The following STS variants were observed in gnomAD, a reference collection of about 807,000 sequenced individuals.
STS encodes the protein steryl-sulfatase.
STS carries 7 observed loss-of-function variants against 26.8 expected under a neutral mutation model. The ratio of observed to expected loss-of-function variants is 0.26; its 90% CI spans 0.15 to 0.49. The LOEUF (loss-of-function observed/expected upper bound fraction) is 0.49. Among genes scored for constraint, STS ranks in the 20% least tolerant of loss-of-function variants. The pLI is 0.98. For missense variants in STS, 434 were observed against 465.6 expected (o/e 0.93, Z 0.63); for synonymous variants, 199 against 189.4 (o/e 1.05, Z -0.42).
At chrX:7,199,636 G>C (rs753604290) in intron 2 of STS, among the ~76,000 whole-genome samples, 3 of 111,408 alleles carry the variant, frequency 2.7e-5, no homozygotes, top group African/African-American at 9.8e-5. Context: ...CCTGATGAAT[G>C]GAGAGCCAGT....
intron 1 of STS, among the ~76,000 whole-genome samples, chrX:7,173,654 C>T (rs758695768): frequency 8.9e-6 from 1 of 112,257 alleles, no homozygotes; most frequent in Admixed American, 9.5e-5. Context: ...GAGGTGATAT[C>T]TCATTGTGGT....
intron 8 of STS, among the ~76,000 whole-genome samples, chrX:7,308,549 G>A (rs997986886): frequency 4.5e-5 from 5 of 111,326 alleles, no homozygotes; most frequent in Admixed American, 9.6e-5. Context: ...TTGAATAATG[G>A]TTGGGAACCC....
At chrX:7,148,694 A>G (rs1254927469) in intron 1 of STS, among the ~76,000 whole-genome samples, 1 of 111,921 alleles carries the variant, frequency 8.9e-6, no homozygotes, top group African/African-American at 3.3e-5. Flanking sequence ...GCGGTCCTGG[A>G]CCGCGACTTG....
chrX:7,199,084 A>G (rs1934022625), intron 2 of STS, among the ~76,000 whole-genome samples: 1 of 111,948 alleles, frequency 8.9e-6, no homozygotes, highest in Non-Finnish European at 1.9e-5. Context: ...ATTTTTCTAT[A>G]TAAAATTCAT....
intron 2 of STS, chrX:7,252,381 G>A: frequency 3.3e-6 from 2 of 608,055 alleles, no homozygotes; most frequent in Non-Finnish European, 4.0e-6. Flanking sequence ...ACACCTACCT[G>A]CTACCTTCCG....
intron 7 of STS, among the ~76,000 whole-genome samples, chrX:7,289,936 G>GAA (rs1925331422): frequency 2.7e-5 from 3 of 111,687 alleles, no homozygotes; most frequent in African/African-American, 6.5e-5. Flanking sequence ...ATTACAGACA[G>GAA]AATATGTTTC....
intron 1 of STS, among the ~76,000 whole-genome samples, chrX:7,182,087 C>A (rs183671197): frequency 9.0e-6 from 1 of 111,300 alleles, no homozygotes; most frequent in African/African-American, 3.3e-5. Context: ...AACAAAAAAA[C>A]AAAAAAACCT....
chrX:7,279,560 T>A (rs973130440), intron 7 of STS, among the ~76,000 whole-genome samples: 18 of 108,174 alleles, frequency 1.7e-4, no homozygotes, highest in African/African-American at 5.7e-4. Flanking sequence ...AGAGATTATC[T>A]TGTAATTTAA....
In STS at chrX:7,326,346, G is replaced by C. The variant is rs757491444; in HGVS notation, c.1241+848G>C. Among the ~76,000 whole-genome samples the C allele has an allele frequency of 2.7e-5, 3 of 111,870 alleles. No individual in the cohort carries two copies. The South Asian group carries it at 1.1e-3, about 42-fold the overall frequency. On this transcript the variant is annotated intron_variant, in intron 9 of 10. Transcript: ENST00000674429. ...TAGTGACCAGGAATGTGGACGGGTG[G>C]TGTTTAATTCAGCCTTGGTCTTTCG... is the stretch of plus-strand genomic sequence containing the variant.
intron 7 of STS, among the ~76,000 whole-genome samples, chrX:7,297,096 G>T (rs1195332753): frequency 1.8e-5 from 2 of 111,775 alleles, no homozygotes; most frequent in African/African-American, 6.5e-5. Flanking sequence ...GTGTCAAATT[G>T]TCTGAAACTA....
chrX:7,315,779 G>A (rs1254987285), intron 8 of STS, among the ~76,000 whole-genome samples: 3 of 111,363 alleles, frequency 2.7e-5, no homozygotes, highest in East Asian at 2.8e-4. Flanking sequence ...GTCCTTCCAC[G>A]TTCTTCTGCC....
rs1462777812 is a variant in STS at position 7,240,541 on chromosome X, A to G, written c.-4-12655A>G. On this transcript the variant is annotated intron_variant, in intron 2 of 10. Transcript: ENST00000674429. Reference sequence around the variant, plus strand: ...TGTGTGTGTGTGTGTGTGTATATATATATATATATATAAAATGGATCCCTT... The same window carrying G: ...TGTGTGTGTGTGTGTGTGTATATATGTATATATATATAAAATGGATCCCTT... Among the ~76,000 whole-genome samples, 7 of 87,398 alleles carry G rather than the reference A, an allele frequency of 8.0e-5. No individual in the cohort carries two copies. The Admixed American group carries it at 8.8e-4, about 11-fold the overall frequency. The allele number at this position is 87,398 out of a possible 115,157, so 75.9% of individuals were successfully genotyped here.
intron 8 of STS, among the ~76,000 whole-genome samples, chrX:7,319,996 ATATT>A (rs1330161412): frequency 1.7e-4 from 15 of 86,452 alleles, no homozygotes; most frequent in Admixed American, 9.8e-4. Flanking sequence ...ATTTATATAT[ATATT>A]TTTATATATA....
intron 2 of STS, among the ~76,000 whole-genome samples, chrX:7,221,790 A>G (rs1220131447): frequency 2.7e-5 from 3 of 112,563 alleles, no homozygotes; most frequent in Non-Finnish European, 5.6e-5. Flanking sequence ...GCCTCTAGGC[A>G]GTAAATGTTT....
At chrX:7,282,595 T>C (rs1211180319) in intron 7 of STS, among the ~76,000 whole-genome samples, 1 of 112,180 alleles carries the variant, frequency 8.9e-6, no homozygotes, top group African/African-American at 3.2e-5. Flanking sequence ...GAATACAGAG[T>C]TTCTGCAGAT....
At chrX:7,328,828 TG>T (rs1177515780) in intron 9 of STS, among the ~76,000 whole-genome samples, 1 of 111,297 alleles carries the variant, frequency 9.0e-6, no homozygotes, top group Non-Finnish European at 1.9e-5. Context: ...CTCAAAGTGC[TG>T]GGAATACAGG....
chrX:7,219,425 A>T (rs1029519792), intron 2 of STS: 2 of 1,048,928 alleles, frequency 1.9e-6, no homozygotes, highest in Non-Finnish European at 1.2e-6. Flanking sequence ...CTAGGCAAAG[A>T]GTGTCTCCGC....
intron 10 of STS, among the ~76,000 whole-genome samples, chrX:7,340,677 G>A (rs995395974): frequency 2.7e-5 from 3 of 111,935 alleles, no homozygotes; most frequent in African/African-American, 9.7e-5. Flanking sequence ...AAAAAAAACA[G>A]TAGTTTACAT....
intron 1 of STS, among the ~76,000 whole-genome samples, chrX:7,161,191 T>G: frequency 9.1e-6 from 1 of 109,851 alleles, no homozygotes; most frequent in Non-Finnish European, 1.9e-5. Context: ...GGTCTCGAAC[T>G]CCTGACCTCA....
Sources: allele counts gnomAD v4.1 joint callset (sites outside exome capture counted in the v4.1 genomes callset), GRCh38; gene constraint gnomAD v4.1.1; transcripts MANE v1.5; gene names NCBI Gene and HGNC (gene_info 2026-07-23, HGNC 2026-07-21).